LTBP1: variants seen among roughly 807,000 people sequenced by gnomAD.
LTBP1 encodes latent-transforming growth factor beta-binding protein 1.
LTBP1 carries 129 observed loss-of-function variants against 207.6 expected under a neutral mutation model. The observed-to-expected ratio is 0.62, with a 90% CI of 0.54 to 0.72. The LOEUF (loss-of-function observed/expected upper bound fraction) is 0.72, where lower values mean the gene tolerates loss of function less well. Ranked by LOEUF, LTBP1 falls within the 30% of genes least tolerant of loss-of-function variation. The probability of loss-of-function intolerance (pLI) is 0.00; values close to 1 mark genes in which losing one functional copy is unlikely to be tolerated. For synonymous variants in LTBP1, 963 were observed against 833.7 expected (o/e 1.16, Z -2.67); for missense variants, 2,281 against 2,217.2 (o/e 1.03, Z -0.58).
At chr2:33,282,610 T>C (rs2093582500) in intron 19 of LTBP1, among the ~76,000 whole-genome samples, 1 of 152,244 alleles carries the variant, frequency 6.6e-6, no homozygotes, top group South Asian at 2.1e-4. Context: ...AGCTTTGTAC[T>C]TCTGGTACTC....
At chr2:33,091,309 C>T (rs1311094899) in intron 3 of LTBP1, among the ~76,000 whole-genome samples, 1 of 152,104 alleles carries the variant, frequency 6.6e-6, no homozygotes, top group African/African-American at 2.4e-5. Flanking sequence ...TCCTAGTTCT[C>T]TCTGGTCTAT....
chr2:33,060,810 A>G (rs2077233375), intron 3 of LTBP1, among the ~76,000 whole-genome samples: 2 of 152,138 alleles, frequency 1.3e-5, no homozygotes, highest in Admixed American at 1.3e-4. Context: ...AAAATAGTAC[A>G]AGGTTTATGT....
chr2:32,948,948 A>G lies in LTBP1; in HGVS notation c.565+3A>G, dbSNP rs772864792. ...TGGCTCCCAGAGGTGCACCAAACGT[A>G]AGTTGCCATGTTCACAGTGGCCCTG... On this transcript the variant is annotated splice_donor_region_variant and intron_variant, in intron 2 of 33. Transcript: ENST00000404816. 6.8e-6 allele frequency: 11 copies of G among 1,614,092 alleles called. No homozygotes were observed. The highest frequency in any genetic ancestry group is 6.7e-5 in the Admixed American group (4 of 60,020).
chr2:32,957,916 A>T (rs1035122191), intron 2 of LTBP1, among the ~76,000 whole-genome samples: 2 of 152,170 alleles, frequency 1.3e-5, no homozygotes, highest in African/African-American at 4.8e-5. Context: ...AATTCTGTGC[A>T]TACATTGCCA....
chr2:33,085,543 A>G (rs1029886250), intron 3 of LTBP1, among the ~76,000 whole-genome samples: 4 of 152,200 alleles, frequency 2.6e-5, no homozygotes, highest in East Asian at 1.9e-4. Context: ...AACAGTAGCA[A>G]TTACTGTGTG....
chr2:33,277,336 A>G lies in LTBP1; in HGVS notation c.2992+1413A>G, dbSNP rs111328952. ...GGCCACGAGGCTACAGAACAAGCACAGGTGTAAAGTGTCTCCACGCTGCTC... is the reference window on the plus strand; with the variant it reads ...GGCCACGAGGCTACAGAACAAGCACGGGTGTAAAGTGTCTCCACGCTGCTC... On this transcript the variant is annotated intron_variant, in intron 18 of 33. Coordinates refer to ENST00000404816, the MANE Select transcript of LTBP1 (RefSeq NM_206943.4). Among the ~76,000 whole-genome samples, 19 of 152,250 alleles carry G rather than the reference A, an allele frequency of 1.2e-4. 1 individual carries two copies. The highest frequency in any genetic ancestry group is 4.6e-4 in the African/African-American group (19 of 41,542).
At chr2:33,114,728 ACTC>A in intron 4 of LTBP1, among the ~76,000 whole-genome samples, 1 of 152,014 alleles carries the variant, frequency 6.6e-6, no homozygotes, top group African/African-American at 2.4e-5. Context: ...ATGGGATGTT[ACTC>A]CTGGTTGCTT....
intron 2 of LTBP1, among the ~76,000 whole-genome samples, chr2:32,994,656 G>A (rs1418793514): frequency 2.6e-5 from 4 of 151,922 alleles, no homozygotes; most frequent in South Asian, 2.1e-4. Context: ...TAATAGAGAC[G>A]GGGTTTCTCC....
intron 2 of LTBP1, among the ~76,000 whole-genome samples, chr2:32,951,250 A>G (rs1010426505): frequency 1.3e-5 from 2 of 152,236 alleles, no homozygotes; most frequent in Admixed American, 6.5e-5. Context: ...CATTCAGAAG[A>G]TTAACCTTCC....
At chr2:33,139,269 G>C (rs116193007) in intron 5 of LTBP1, among the ~76,000 whole-genome samples, 1 of 152,184 alleles carries the variant, frequency 6.6e-6, no homozygotes, top group Non-Finnish European at 1.5e-5. Context: ...CTTCATTAAA[G>C]GTGGTTTCAG....
rs371130472 is a variant in LTBP1, at chr2:33,391,912, C to T, written c.4834+2606C>T. ...GCAGTTCCAAGACCTCCAGCTTGGA[C>T]GATGTAATGGCCTTTACATTTCTTA... On this transcript the variant is annotated intron_variant, in intron 32 of 33. Coordinates refer to ENST00000404816, the MANE Select transcript of LTBP1 (RefSeq NM_206943.4). Among the ~76,000 whole-genome samples the T allele has an allele frequency of 3.3e-5, 5 of 152,186 alleles. No homozygotes were observed. The East Asian group carries it at 7.7e-4, about 23-fold the overall frequency.
intron 31 of LTBP1, among the ~76,000 whole-genome samples, chr2:33,383,280 G>A (rs2095236685): frequency 6.6e-6 from 1 of 152,242 alleles, no homozygotes; most frequent in Admixed American, 6.5e-5. Flanking sequence ...TCGAATCTGG[G>A]AGGTGGAGAT....
At chr2:33,264,520 G>A (rs866285496) in intron 15 of LTBP1, among the ~76,000 whole-genome samples, 1 of 152,080 alleles carries the variant, frequency 6.6e-6, no homozygotes, top group African/African-American at 2.4e-5. Flanking sequence ...TCCTTAATGT[G>A]TATTGAGCTC....
chr2:32,973,565 A>G (rs1320187785), intron 2 of LTBP1, among the ~76,000 whole-genome samples: 1 of 152,148 alleles, frequency 6.6e-6, no homozygotes, highest in Non-Finnish European at 1.5e-5. Context: ...CTTTCCCTAC[A>G]AGGACCCCCT....
At chr2:33,278,724 G>T (rs2093497765) in intron 18 of LTBP1, among the ~76,000 whole-genome samples, 1 of 151,954 alleles carries the variant, frequency 6.6e-6, no homozygotes, top group South Asian at 2.1e-4. Context: ...CTATTTTTTT[G>T]AAATATCCCA....
At position 33,274,985 on chromosome 2, in the gene LTBP1, G is replaced by A. The variant is rs1457362710; in HGVS notation, c.2764G>A (p.Val922Ile). Residue 922 changes from valine to isoleucine, a missense_variant, in exon 17 of 34, where the codon GTC becomes ATC. Val to Ile is a conservative substitution (Grantham distance 29, BLOSUM62 3). Transcript: ENST00000404816. ...KCVDIDECTQ[V>I]QHLCSQGRCE... is the part of the protein sequence containing the mutation. ...AACAGATATTGATGAGTGTACTCAG[G>A]TCCAACACCTCTGCTCCCAGGGCCG... The A allele has an allele frequency of 3.7e-6, 6 of 1,613,966 alleles. No individual in the cohort carries two copies. Among genetic ancestry groups the A allele is most frequent in the Non-Finnish European group, 5.1e-6 (6 of 1,179,916 alleles).
At chr2:33,172,718 A>G (rs2085588368) in intron 5 of LTBP1, among the ~76,000 whole-genome samples, 1 of 152,344 alleles carries the variant, frequency 6.6e-6, no homozygotes, top group East Asian at 1.9e-4. Flanking sequence ...TCAGCACTGC[A>G]CAACACCTAT....
intron 2 of LTBP1, among the ~76,000 whole-genome samples, chr2:32,962,340 T>C (rs2148447209): frequency 6.6e-6 from 1 of 152,332 alleles, no homozygotes; most frequent in South Asian, 2.1e-4. Flanking sequence ...TATTTTGAGA[T>C]AGTGAAAAGG....
At chr2:32,970,039 C>G (rs1057377435) in intron 2 of LTBP1, among the ~76,000 whole-genome samples, 3 of 152,096 alleles carry the variant, frequency 2.0e-5, no homozygotes, top group Non-Finnish European at 1.5e-5. Context: ...GAGCATTTTT[C>G]ATGATTGTTG....
Sources: allele counts gnomAD v4.1 joint callset (sites outside exome capture counted in the v4.1 genomes callset), GRCh38; gene constraint gnomAD v4.1.1; transcripts MANE v1.5; gene names NCBI Gene and HGNC (gene_info 2026-07-23, HGNC 2026-07-21).